CMTM6: variants seen among roughly 807,000 people sequenced by gnomAD.
CMTM6 encodes CKLF-like MARVEL transmembrane domain-containing protein 6.
Under a neutral mutation model 13.6 loss-of-function variants are expected in CMTM6, and 5 were observed. The observed-to-expected ratio is 0.37, with a 90% confidence interval of 0.19 to 0.77. The LOEUF is 0.77. Among genes scored for constraint, CMTM6 ranks in the 30% least tolerant of loss-of-function variants. The pLI, the probability that CMTM6 is intolerant of heterozygous loss-of-function variation, is 0.50. For synonymous variants in CMTM6, 99 were observed against 84.5 expected (o/e 1.17, Z -0.94); for missense variants, 196 against 218.6 (o/e 0.90, Z 0.65).
chr3:32,484,464 T>C (rs1366208253), intron 3 of CMTM6, among the ~76,000 whole-genome samples: 1 of 152,132 alleles, frequency 6.6e-6, no homozygotes, highest in African/African-American at 2.4e-5. Flanking sequence ...ACAGATGCGA[T>C]AAGGAAAATA....
intron 2 of CMTM6, among the ~76,000 whole-genome samples, chr3:32,488,983 A>C (rs1458133459): frequency 6.6e-6 from 1 of 152,154 alleles, no homozygotes; most frequent in African/African-American, 2.4e-5. Context: ...ATATCAATAA[A>C]ACTGGCCAGG....
chr3:32,484,820 G>GTC (rs144307303), intron 3 of CMTM6, among the ~76,000 whole-genome samples: 3,393 of 152,170 alleles, frequency 0.022, 181 homozygotes, highest in East Asian at 0.22. Context: ...GATGGCTAAA[G>GTC]TCTCTTCCAA....
In CMTM6 at chr3:32,491,754, T is replaced by G. The variant is rs35574803; in HGVS notation, c.271A>C (p.Thr91Pro). Residue 91 changes from threonine to proline, a missense_variant, in exon 2 of 4, where the codon ACT becomes CCT. By Grantham distance (38) the Thr-to-Pro change is conservative (BLOSUM62 -1). This residue lies in a region of CMTM6 where 111 missense variants were observed against 160.0 expected (regional missense o/e 0.69). Coordinates refer to ENST00000205636, the MANE Select transcript of CMTM6 (RefSeq NM_017801.3). ...GTATCAACTCTCTCATAAAATGGAG[T>G]GCAATACACAATCAGTATAAGGAGA... is the stretch of plus-strand genomic sequence containing the variant. The part of the protein sequence containing the change: ...LSLLILIVYC[T>P]PFYERVDTTK... 6.2e-7 allele frequency: 1 copy of G among 1,607,660 alleles called. No individual in the cohort carries two copies. The highest frequency in any genetic ancestry group is 1.7e-5 in the Admixed American group (1 of 58,402).
intron 1 of CMTM6, among the ~76,000 whole-genome samples, chr3:32,495,016 T>G (rs572644392): frequency 6.6e-6 from 1 of 152,218 alleles, no homozygotes; most frequent in South Asian, 2.1e-4. Context: ...CTGTACTTTT[T>G]TTTTTTGCAA....
At chr3:32,500,347 C>T (rs1697334104) in intron 1 of CMTM6, among the ~76,000 whole-genome samples, 1 of 152,210 alleles carries the variant, frequency 6.6e-6, no homozygotes, top group South Asian at 2.1e-4. Flanking sequence ...TCATATGTAA[C>T]CTTCTTGGGA....
At chr3:32,488,667 T>G (rs538324341) in intron 2 of CMTM6, among the ~76,000 whole-genome samples, 6 of 152,360 alleles carry the variant, frequency 3.9e-5, no homozygotes, top group African/African-American at 1.2e-4. Flanking sequence ...TGAAGCTTTC[T>G]GGAATAACAC....
At chr3:32,487,591 ATATTC>A (rs1163774205) in intron 3 of CMTM6, 1 of 164,668 alleles carries the variant, frequency 6.1e-6, no homozygotes, top group African/African-American at 2.4e-5. Context: ...TTTCTCCCAT[ATATTC>A]TCCATACCTA....
chr3:32,491,559 A>C, intron 2 of CMTM6, 151 bp downstream of exon 2: 1 of 566,378 alleles, frequency 1.8e-6, no homozygotes, highest in Admixed American at 3.6e-5. Context: ...TGGTAGGAAA[A>C]AATGAGGTGC....
intron 1 of CMTM6, among the ~76,000 whole-genome samples, chr3:32,494,485 A>G (rs1697273414): frequency 6.6e-6 from 1 of 152,232 alleles, no homozygotes; most frequent in South Asian, 2.1e-4. Flanking sequence ...CTAAGCATAT[A>G]TCTACCATAT....
Position 32,488,366 on chromosome 3 carries a change from G to GAA in CMTM6, c.316-332_316-331dup, listed in dbSNP as rs549593148. On this transcript the variant is annotated intron_variant, in intron 2 of 3. Transcript: ENST00000205636. Reference sequence around the variant, plus strand: ...TTTTTTATTATCCAGTCCAAAAAAAGAAAAAAAAAAAAAAACAGTCCCGGA... The same window carrying GAA: ...TTTTTTATTATCCAGTCCAAAAAAAGAAAAAAAAAAAAAAAAACAGTCCCGGA... The GAA allele has an allele frequency of 3.6e-3, 428 of 118,274 alleles. 3 individuals carry two copies. The highest frequency in any genetic ancestry group is 5.5e-3 in the South Asian group (20 of 3,626). The allele number at this position is 118,274 out of a possible 1,614,324, so 7.3% of individuals were successfully genotyped here.
rs540322317 is a variant in CMTM6, at chr3:32,487,586, C to T, written c.414+352G>A. Reference sequence around the variant, plus strand: ...TAGACTGAGTCTCTGAATCATTTCTCCCATATATTCTCCATACCTAGAAAA... The same window carrying T: ...TAGACTGAGTCTCTGAATCATTTCTTCCATATATTCTCCATACCTAGAAAA... On this transcript the variant is annotated intron_variant, in intron 3 of 3. Coordinates refer to ENST00000205636, the MANE Select transcript of CMTM6 (RefSeq NM_017801.3). 253 of 161,910 alleles carry T rather than the reference C, an allele frequency of 1.6e-3. 1 individual carries two copies. The highest frequency in any genetic ancestry group is 5.6e-3 in the African/African-American group (233 of 41,874). 10.0% of individuals were successfully genotyped at this position (161,910 alleles called of 1,614,324 possible). A position where few individuals can be genotyped will look rare whatever the true frequency, so the allele number is the denominator to read the frequency against.
chr3:32,498,281 C>T (rs1354271415), intron 1 of CMTM6, among the ~76,000 whole-genome samples: 5 of 152,162 alleles, frequency 3.3e-5, no homozygotes, highest in African/African-American at 7.2e-5. Flanking sequence ...CAAGTTAGCT[C>T]GGCACAGACA....
In CMTM6 at chr3:32,481,905, A is replaced by ACAGT. The variant is rs1287851924; in HGVS notation, c.*2051_*2054dup. The ACAGT allele has an allele frequency of 6.6e-6, 1 of 152,258 alleles. No individual in the cohort carries two copies. Among genetic ancestry groups the ACAGT allele is most frequent in the East Asian group, 1.9e-4 (1 of 5,204 alleles). The allele number at this position is 152,258 out of a possible 1,614,324, so 9.4% of individuals were successfully genotyped here. On this transcript the variant is annotated 3_prime_UTR_variant, in exon 4 of 4. Transcript: ENST00000205636. ...GAACAAGCGGAGCTTAAGCTCAATGACAGTATGTTTTATATGACAGGCCAG... is the reference window on the plus strand; with the variant it reads ...GAACAAGCGGAGCTTAAGCTCAATGACAGTCAGTATGTTTTATATGACAGGCCAG...
At chr3:32,494,607 C>T (rs1271730638) in intron 1 of CMTM6, among the ~76,000 whole-genome samples, 2 of 152,046 alleles carry the variant, frequency 1.3e-5, no homozygotes, top group East Asian at 1.9e-4. Flanking sequence ...TAGCCCCAAA[C>T]TAGAAACATT....
chr3:32,494,744 A>C (rs1242627453), intron 1 of CMTM6, among the ~76,000 whole-genome samples: 1 of 152,226 alleles, frequency 6.6e-6, no homozygotes, highest in African/African-American at 2.4e-5. Context: ...AAAGGAAAAA[A>C]AAAATCCAAT....
rs1398627176 is a variant in CMTM6, at chr3:32,502,665, G to A, written c.81C>T (p.Ala27=). The part of the protein sequence containing the change: ...PARGPRSGLA[A]YFFMGRLPLL... ...ATGGGAGCCGGCCCATGAAAAAGTAGGCAGCGAGGCCGCTCCGGGGGCCTC... is the reference window on the plus strand; with the variant it reads ...ATGGGAGCCGGCCCATGAAAAAGTAAGCAGCGAGGCCGCTCCGGGGGCCTC... Residue 27 remains alanine, a synonymous_variant, in exon 1 of 4, where the codon GCC becomes GCT. Coordinates refer to ENST00000205636, the MANE Select transcript of CMTM6 (RefSeq NM_017801.3). 27 of 1,591,338 alleles carry A rather than the reference G, an allele frequency of 1.7e-5. No homozygotes were observed. Among genetic ancestry groups the A allele is most frequent in the Non-Finnish European group, 2.1e-5 (25 of 1,170,768 alleles).
chr3:32,499,498 C>T (rs1319554694), intron 1 of CMTM6, among the ~76,000 whole-genome samples: 1 of 152,118 alleles, frequency 6.6e-6, no homozygotes, highest in African/African-American at 2.4e-5. Flanking sequence ...ACTGCACCAG[C>T]GTATCAGCAA....
intron 1 of CMTM6, among the ~76,000 whole-genome samples, chr3:32,499,082 TAAGTA>T (rs1252830457): frequency 6.6e-6 from 1 of 152,200 alleles, no homozygotes; most frequent in Non-Finnish European, 1.5e-5. Context: ...TTTGTAGTTA[TAAGTA>T]AAGTTCAAAT....
At position 32,487,928 on chromosome 3, in the gene CMTM6, A is replaced by G; in HGVS notation, c.414+10T>C. 1.3e-6 allele frequency: 2 copies of G among 1,581,314 alleles called. No individual in the cohort carries two copies. Among genetic ancestry groups the G allele is most frequent in the Middle Eastern group, 1.7e-4 (1 of 5,974 alleles). On this transcript the variant is annotated intron_variant, in intron 3 of 3. Transcript: ENST00000205636. ...AAAAATAAGCAATGTTAAAAATACA[A>G]GGTACTTACAATTGCAGCAATCTCA...
Sources: allele counts gnomAD v4.1 joint callset (sites outside exome capture counted in the v4.1 genomes callset), GRCh38; gene constraint gnomAD v4.1.1; regional missense constraint gnomAD v4.1.1; transcripts MANE v1.5; gene names NCBI Gene and HGNC (gene_info 2026-07-23, HGNC 2026-07-21).